GART: variants seen among roughly 807,000 people sequenced by gnomAD.
The protein encoded by GART is trifunctional purine biosynthetic protein adenosine-3.
A neutral mutation model predicts 107.2 loss-of-function variants in GART; 43 were observed. The ratio of observed to expected loss-of-function variants is 0.40; its 90% CI spans 0.31 to 0.52. The LOEUF (loss-of-function observed/expected upper bound fraction) is 0.52. Among genes scored for constraint, GART ranks in the 20% least tolerant of loss-of-function variants. The pLI is 0.52. For synonymous variants in GART, 434 were observed against 427.0 expected, an observed-to-expected ratio of 1.02 and a Z score of -0.20; for missense variants, 1,107 against 1,206.5, an observed-to-expected ratio of 0.92 and a Z score of 1.22.
intron 20 of GART, 79 bp downstream of exon 20, chr21:33,505,482 G>A: frequency 7.8e-7 from 1 of 1,274,808 alleles, no homozygotes; most frequent in African/African-American, 1.5e-5. Flanking sequence ...TTCACTACTG[G>A]GATTGTTTGG....
At chr21:33,518,692 A>T (rs2084919695) in intron 14 of GART, 2 of 443,708 alleles carry the variant, frequency 4.5e-6, no homozygotes, top group South Asian at 3.4e-5. Context: ...CCTCATTCTT[A>T]ATAGCCTCAT....
intron 16 of GART, among the ~76,000 whole-genome samples, chr21:33,512,318 A>T (rs967479055): frequency 6.7e-6 from 1 of 148,838 alleles, no homozygotes; most frequent in Non-Finnish European, 1.5e-5. Context: ...AAAAGAATAC[A>T]TTCTCTCTTA....
rs972958508 is a variant in GART, at chr21:33,520,518, C to G, written c.1548G>C (p.Leu516Phe). 2.2e-5 allele frequency: 36 copies of G among 1,613,888 alleles called. No homozygotes were observed. Among genetic ancestry groups the G allele is most frequent in the African/African-American group, 4.0e-5 (3 of 74,894 alleles). The change falls in exon 14 of 22, where the codon TTG (leucine) becomes TTC (phenylalanine). Residue 516 changes from leucine (L) to phenylalanine (F), a missense_variant. By Grantham distance (22) the Leu-to-Phe change is conservative (BLOSUM62 0). Coordinates refer to ENST00000381815, the MANE Select transcript of GART (RefSeq NM_000819.5). ...CNKHDTIGQD[L>F]VAMCVNDILA... ...GAATATCATTAACACACATTGCTACCAAATCTTGACCAATGGTATCATGTT... is the reference window on the plus strand; with the variant it reads ...GAATATCATTAACACACATTGCTACGAAATCTTGACCAATGGTATCATGTT...
At chr21:33,530,968 T>C (rs575265238) in intron 6 of GART, 84 bp from the exon 7 acceptor site, 3 of 1,284,068 alleles carry the variant, frequency 2.3e-6, no homozygotes, top group Non-Finnish European at 3.1e-6. Flanking sequence ...ATATGTCCCT[T>C]AATTCTTCTT....
rs189157248 is a variant in GART at position 33,528,372 on chromosome 21, T to G, written c.898-37A>C. 1.5e-4 allele frequency: 236 copies of G among 1,606,330 alleles called. No homozygotes were observed. The African/African-American group carries it at 2.8e-3, about 19-fold the overall frequency. Reference sequence around the variant, plus strand: ...TAATCCACATGGCAGGTGGGATAAATTTTAGTTTTCCTTAAACATTTTATT... The same window carrying G: ...TAATCCACATGGCAGGTGGGATAAAGTTTAGTTTTCCTTAAACATTTTATT... On this transcript the variant is annotated intron_variant, in intron 9 of 21. Transcript: ENST00000381815.
chr21:33,528,871 G>T lies in GART; in HGVS notation c.790C>A (p.Gln264Lys). ...VLQRTVDGMQ[Q>K]EGTPYTGILY... is the part of the protein sequence containing the mutation. ...CTACCTGTATATGGAGTACCCTCTT[G>T]CTGCATGCCATCCACTGTCCTCTGA... The change falls in exon 8 of 22, where the codon CAA (glutamine) becomes AAA (lysine). Residue 264 changes from glutamine (Q) to lysine (K), a missense_variant. Gln to Lys is a moderately conservative substitution (Grantham distance 53). Transcript: ENST00000381815. 1 of 1,612,662 alleles carries T rather than the reference G, an allele frequency of 6.2e-7. No homozygotes were observed. The highest frequency in any genetic ancestry group is 1.1e-5 in the South Asian group (1 of 91,044).
intron 11 of GART, 38 bp from the exon 12 acceptor site, chr21:33,522,320 G>A (rs1233952461): frequency 7.5e-7 from 1 of 1,335,174 alleles, no homozygotes; most frequent in East Asian, 2.3e-5. Flanking sequence ...TAAACGTCAG[G>A]GAAAATTATT....
In GART at chr21:33,528,243, T is replaced by G; in HGVS notation, c.990A>C (p.Glu330Asp). 6.2e-7 allele frequency: 1 copy of G among 1,614,132 alleles called. No individual in the cohort carries two copies. Among genetic ancestry groups the G allele is most frequent in the Non-Finnish European group, 8.5e-7 (1 of 1,180,022 alleles). ...TGACAACAGTTAGGGCGGTGTGGTTTTCTAGCCAAACAGGCAGAGATGTGC... is the reference window on the plus strand; with the variant it reads ...TGACAACAGTTAGGGCGGTGTGGTTGTCTAGCCAAACAGGCAGAGATGTGC... Reference protein sequence around the residue: ...LLCTSLPVWLENHTALTVVMA... With the variant: ...LLCTSLPVWLDNHTALTVVMA... Residue 330 changes from glutamate (E) to aspartate (D), a missense_variant, in exon 10 of 22, where the codon GAA (glutamate) becomes GAC (aspartate). By Grantham distance (45) the Glu-to-Asp change is conservative. Coordinates refer to ENST00000381815, the MANE Select transcript of GART (RefSeq NM_000819.5).
chr21:33,528,873 T>G lies in GART; in HGVS notation c.788A>C (p.Gln263Pro). ...ACCTGTATATGGAGTACCCTCTTGC[T>G]GCATGCCATCCACTGTCCTCTGAAG... ...TVLQRTVDGM[Q>P]QEGTPYTGIL... is the part of the protein sequence containing the mutation. Residue 263 changes from glutamine (Q) to proline (P), a missense_variant, in exon 8 of 22, where the codon CAG becomes CCG. Physicochemically the swap from Gln to Pro is moderately conservative, Grantham distance 76. Transcript: ENST00000381815. The G allele has an allele frequency of 6.2e-7, 1 of 1,613,384 alleles. No homozygotes were observed. Among genetic ancestry groups the G allele is most frequent in the Non-Finnish European group, 8.5e-7 (1 of 1,179,354 alleles).
chr21:33,504,600 T>C (rs1320374816), intron 20 of GART, 73 bp from the exon 21 acceptor site: 1 of 1,064,284 alleles, frequency 9.4e-7, no homozygotes, highest in Non-Finnish European at 1.4e-6. Flanking sequence ...TACGTTTTCC[T>C]ATCTAGATCC....
Position 33,505,686 on chromosome 21 carries a change from A to T in GART, c.2600T>A (p.Leu867Gln). 1 of 1,598,270 alleles carries T rather than the reference A, an allele frequency of 6.3e-7. No individual in the cohort carries two copies. Among genetic ancestry groups the T allele is most frequent in the Non-Finnish European group, 8.5e-7 (1 of 1,174,980 alleles). The change falls in exon 20 of 22, where the codon CTG (leucine) becomes CAG (glutamine). Residue 867 changes from leucine to glutamine, a missense_variant. Transcript: ENST00000381815. ...GIPTRVINHKLYKNRVEFDSA... is the reference protein window; with the variant it reads ...GIPTRVINHKQYKNRVEFDSA... Reference sequence around the variant, plus strand: ...GTCAAATTCTACACGATTTTTATACAGTTTATGATTAATTACCTGTAATAG... The same window carrying T: ...GTCAAATTCTACACGATTTTTATACTGTTTATGATTAATTACCTGTAATAG...
Position 33,528,286 on chromosome 21 carries a change from G to A in GART, c.947C>T (p.Thr316Ile). ...AGATGTGCAGAGCAGTCCATCTAAGGTGGACTGAATCACTTCATAAAGATC... is the reference window on the plus strand; with the variant it reads ...AGATGTGCAGAGCAGTCCATCTAAGATGGACTGAATCACTTCATAAAGATC... The part of the protein sequence containing the change: ...KSDLYEVIQS[T>I]LDGLLCTSLP... The change falls in exon 10 of 22, where the codon ACC becomes ATC. Residue 316 changes from threonine to isoleucine, a missense_variant. Transcript: ENST00000381815. 7.4e-6 allele frequency: 12 copies of A among 1,613,788 alleles called. No homozygotes were observed. Among genetic ancestry groups the A allele is most frequent in the Non-Finnish European group, 9.3e-6 (11 of 1,179,696 alleles).
chr21:33,504,296 T>C lies in GART; in HGVS notation c.2861A>G (p.Gln954Arg). The change falls in exon 22 of 22, where the codon CAG becomes CGG. Residue 954 changes from glutamine (Q) to arginine (R), a missense_variant. Gln to Arg is a conservative substitution (Grantham distance 43). Coordinates refer to ENST00000381815, the MANE Select transcript of GART (RefSeq NM_000819.5). ...HFVAEDVDAG[Q>R]IILQEAVPVK... ...GGGAACAGCTTCTTGCAAAATAATCTGTCCAGCATCCACATCTTCCTGGAA... is the reference window on the plus strand; with the variant it reads ...GGGAACAGCTTCTTGCAAAATAATCCGTCCAGCATCCACATCTTCCTGGAA... 6.2e-7 allele frequency: 1 copy of C among 1,614,008 alleles called. No individual in the cohort carries two copies. The highest frequency in any genetic ancestry group is 8.5e-7 in the Non-Finnish European group (1 of 1,179,900).
At chr21:33,510,948 C>T (rs931731735) in intron 17 of GART, among the ~76,000 whole-genome samples, 4 of 152,130 alleles carry the variant, frequency 2.6e-5, no homozygotes, top group African/African-American at 7.2e-5. Flanking sequence ...GGTGCTTGCT[C>T]GCTATTCCTT....
intron 10 of GART, among the ~76,000 whole-genome samples, chr21:33,525,962 C>T (rs1244722359): frequency 2.0e-5 from 3 of 150,986 alleles, no homozygotes; most frequent in African/African-American, 7.3e-5. Context: ...CTCCTCCTCC[C>T]AGGTTCACGC....
intron 20 of GART, 72 bp from the exon 21 acceptor site, chr21:33,504,599 C>T (rs955618326): frequency 9.4e-7 from 1 of 1,064,564 alleles, no homozygotes; most frequent in Non-Finnish European, 1.4e-6. Context: ...ATACGTTTTC[C>T]TATCTAGATC....
At chr21:33,512,131 A>G (rs532097037) in intron 16 of GART, among the ~76,000 whole-genome samples, 1 of 151,892 alleles carries the variant, frequency 6.6e-6, no homozygotes, top group South Asian at 2.1e-4. Context: ...TAAAAATACA[A>G]TAATTAGCTG....
chr21:33,530,059 G>A (rs1273158342), intron 7 of GART, among the ~76,000 whole-genome samples: 2 of 152,126 alleles, frequency 1.3e-5, no homozygotes, highest in East Asian at 3.9e-4. Flanking sequence ...TGGCGTGGTG[G>A]CCTGTGCCTG....
At chr21:33,514,858 C>T (rs1383612087) in intron 16 of GART, among the ~76,000 whole-genome samples, 1 of 152,158 alleles carries the variant, frequency 6.6e-6, no homozygotes, top group Non-Finnish European at 1.5e-5. Context: ...TCTGACCACT[C>T]TCCCAGCTTC....
Sources: allele counts gnomAD v4.1 joint callset (sites outside exome capture counted in the v4.1 genomes callset), GRCh38; gene constraint gnomAD v4.1.1; transcripts MANE v1.5; gene names NCBI Gene and HGNC (gene_info 2026-07-23, HGNC 2026-07-21).